Variants in PDXDC1 observed in about 807,000 individuals in gnomAD.
PDXDC1 encodes the protein pyridoxal-dependent decarboxylase domain-containing protein 1.
In PDXDC1, 42 loss-of-function variants were observed where a neutral mutation model predicts 100.1. The ratio of observed to expected loss-of-function variants is 0.42; its 90% CI spans 0.33 to 0.54. The LOEUF is 0.54. Among genes scored for constraint, PDXDC1 ranks in the 20% least tolerant of loss-of-function variants. The pLI is 0.10. For missense variants in PDXDC1, 636 were observed against 979.2 expected (o/e 0.65, Z 4.68); for synonymous variants, 260 against 371.7 (o/e 0.70, Z 3.46).
chr16:15,136,079 G>C, intron 16 of PDXDC1: 2 of 1,582,452 alleles, frequency 1.3e-6, no homozygotes, highest in East Asian at 2.2e-5. Context: ...TGCGGCGCTG[G>C]GCCCACCTCC....
At chr16:15,033,538 C>T in intron 19 of PDXDC1, 139 bp downstream of exon 19, 1 of 998,078 alleles carries the variant, frequency 1.0e-6, no homozygotes, top group Non-Finnish European at 1.5e-6. Flanking sequence ...TAAGCTGGGC[C>T]TTGTGCCAGG....
chr16:15,130,451 G>A (rs200337258), intron 16 of PDXDC1: 797 of 1,465,326 alleles, frequency 5.4e-4, no homozygotes, highest in Non-Finnish European at 6.8e-4. Flanking sequence ...CTGGGTCTCT[G>A]GTCCTGGGCA....
At chr16:15,142,268 C>T (rs907662768), downstream of PDXDC1, among the ~76,000 whole-genome samples, 6 of 152,038 alleles carry the variant, frequency 3.9e-5, no homozygotes, top group African/African-American at 1.4e-4. Context: ...CCACTGTGAA[C>T]CAGGCCTGGG....
chr16:15,079,596 CTT>C (rs35328128), intron 16 of PDXDC1, among the ~76,000 whole-genome samples: 175 of 142,978 alleles, frequency 1.2e-3, no homozygotes, highest in Middle Eastern at 3.7e-3. Context: ...GGTTTCTTTT[CTT>C]TTTTTTTTTT....
rs749082377 is a variant in PDXDC1, at chr16:15,029,004, C to G, written c.1293+38C>G. ...GTCACCCCCCTTTCCTTTCAGGTCC[C>G]CGTCCATCACCATCCGACCTGCTGG... On this transcript the variant is annotated intron_variant, in intron 15 of 22. Transcript: ENST00000396410. The G allele has an allele frequency of 3.6e-5, 58 of 1,596,058 alleles. No homozygotes were observed. The Middle Eastern group carries it at 6.7e-4, about 18-fold the overall frequency.
At chr16:15,101,172 A>G (rs1306454238) in intron 16 of PDXDC1, among the ~76,000 whole-genome samples, 1 of 152,242 alleles carries the variant, frequency 6.6e-6, no homozygotes, top group African/African-American at 2.4e-5. Flanking sequence ...CACGGTGTAC[A>G]GGACAGGGCA....
intron 16 of PDXDC1, chr16:15,125,567 G>A: frequency 6.5e-7 from 1 of 1,546,754 alleles, no homozygotes; most frequent in East Asian, 2.2e-5. Context: ...GAATCATCCA[G>A]AAACAAGTCA....
chr16:14,999,824 A>C (rs1972770050), intron 3 of PDXDC1, among the ~76,000 whole-genome samples: 1 of 152,278 alleles, frequency 6.6e-6, no homozygotes, highest in Non-Finnish European at 1.5e-5. Flanking sequence ...ATCTGGGATT[A>C]GTATCCCAGC....
chr16:15,080,087 C>G, intron 16 of PDXDC1: 1 of 1,595,990 alleles, frequency 6.3e-7, no homozygotes, highest in Non-Finnish European at 8.5e-7. Context: ...AAGTTATGAA[C>G]GTAACATTCC....
chr16:15,131,176 G>A (rs1231715409), intron 16 of PDXDC1: 1 of 1,589,620 alleles, frequency 6.3e-7, no homozygotes, highest in Non-Finnish European at 8.6e-7. Flanking sequence ...GGAGGCCTGG[G>A]GCTGGACCAC....
In PDXDC1 at chr16:15,037,826, GTAAACCAAAAAAT is replaced by G; in HGVS notation, c.*1552_*1564del. On this transcript the variant is annotated 3_prime_UTR_variant, in exon 23 of 23. Transcript: ENST00000396410. ...AAAAAAACTGGACATCAATTTTTTAGTAAACCAAAAAATAAGTCTCAACAAATGCCTTTGCCAA... is the reference window on the plus strand; with the variant it reads ...AAAAAAACTGGACATCAATTTTTTAGAAGTCTCAACAAATGCCTTTGCCAA... 1 of 467,866 alleles carries G rather than the reference GTAAACCAAAAAAT, an allele frequency of 2.1e-6. No homozygotes were observed. The highest frequency in any genetic ancestry group is 3.3e-5 in the East Asian group (1 of 29,918). The allele number at this position is 467,866 out of a possible 1,614,324, so 29.0% of individuals were successfully genotyped here.
chr16:15,014,969 G>A (rs368389103), intron 8 of PDXDC1, among the ~76,000 whole-genome samples: 63 of 152,376 alleles, frequency 4.1e-4, no homozygotes, highest in East Asian at 2.7e-3. Flanking sequence ...CTGGAGTCTT[G>A]CTTTGTTGCC....
chr16:15,122,247 T>C lies in PDXDC1; in HGVS notation c.1400-16632T>C, dbSNP rs934160956. Among the ~76,000 whole-genome samples the C allele has an allele frequency of 6.6e-5, 10 of 151,364 alleles. No individual in the cohort carries two copies. The Middle Eastern group carries it at 0.01, about 154-fold the overall frequency. ...TTCACTTTGTTTTGGTCCGTTTTGT[T>C]TGTTAGAGACAAGAGTGCAGCGGGG... On this transcript the variant is annotated intron_variant, in intron 16 of 16. Coordinates refer to the PDXDC1 transcript ENST00000535621.
At chr16:15,046,398 G>C (rs1284356270) in intron 16 of PDXDC1, among the ~76,000 whole-genome samples, 1 of 152,192 alleles carries the variant, frequency 6.6e-6, no homozygotes, top group African/African-American at 2.4e-5. Context: ...GGACAGGTGT[G>C]TGAACAGTGG....
chr16:14,992,863 T>C (rs78799251), intron 1 of PDXDC1, among the ~76,000 whole-genome samples: 4 of 149,278 alleles, frequency 2.7e-5, no homozygotes, highest in African/African-American at 9.8e-5. Context: ...TTTTTTTTTT[T>C]CTTTTTTTGA....
At chr16:15,117,538 C>A (rs866873049) in intron 16 of PDXDC1, among the ~76,000 whole-genome samples, 5 of 151,278 alleles carry the variant, frequency 3.3e-5, no homozygotes, top group Admixed American at 1.3e-4. Flanking sequence ...ACTAAAAATA[C>A]ACAAATTAGC....
intron 16 of PDXDC1, among the ~76,000 whole-genome samples, chr16:15,085,325 A>AC (rs1301811785): frequency 1.1e-5 from 1 of 87,340 alleles, no homozygotes; most frequent in African/African-American, 3.0e-5. Context: ...TCTGTGCTTT[A>AC]CTTTTTTTTT....
intron 16 of PDXDC1, among the ~76,000 whole-genome samples, chr16:15,101,639 A>T (rs1489142314): frequency 6.8e-6 from 1 of 147,380 alleles, no homozygotes; most frequent in African/African-American, 2.5e-5. Context: ...GAGGCAGGGG[A>T]ATCACTTGAA....
chr16:15,125,206 T>A, intron 16 of PDXDC1: 1 of 470,686 alleles, frequency 2.1e-6, no homozygotes, highest in Non-Finnish European at 3.8e-6. Context: ...GTTGTGTTGG[T>A]TGTAAAAGGA....
Sources: allele counts gnomAD v4.1 joint callset (sites outside exome capture counted in the v4.1 genomes callset), GRCh38; gene constraint gnomAD v4.1.1; transcripts MANE v1.5; gene names NCBI Gene and HGNC (gene_info 2026-07-23, HGNC 2026-07-21).